The following GPATCH2 variants were observed in gnomAD, a reference collection of about 807,000 sequenced individuals.
GPATCH2 encodes the protein G-patch domain containing 2.
In GPATCH2, 51 loss-of-function variants were observed where a neutral mutation model predicts 58.0. The observed-to-expected ratio is 0.88, with a 90% confidence interval of 0.70 to 1.11. The LOEUF is 1.11. Among genes scored for constraint, GPATCH2 ranks in the 50% most tolerant of loss-of-function variants. The pLI, the probability that GPATCH2 is intolerant of heterozygous loss-of-function variation, is 0.00. For missense variants in GPATCH2, 625 were observed against 652.2 expected, an observed-to-expected ratio of 0.96 and a Z score of 0.45; for synonymous variants, 222 against 218.5, an observed-to-expected ratio of 1.02 and a Z score of -0.14.
intron 5 of GPATCH2, among the ~76,000 whole-genome samples, chr1:217,573,298 T>C (rs147636184): frequency 8.9e-4 from 135 of 152,248 alleles, no homozygotes; most frequent in African/African-American, 3.1e-3. Flanking sequence ...TCTTTGTTGT[T>C]GTAAAATGAG....
chr1:217,501,876 T>G (rs1205845470), intron 6 of GPATCH2, among the ~76,000 whole-genome samples: 2 of 152,130 alleles, frequency 1.3e-5, no homozygotes, highest in Admixed American at 6.6e-5. Context: ...ATATGTGGTT[T>G]GCAAATATTT....
rs77620725 is a variant in GPATCH2, at chr1:217,557,321, T to C, written c.1099-42432A>G. On this transcript the variant is annotated intron_variant, in intron 5 of 9. Coordinates refer to ENST00000366935, the MANE Select transcript of GPATCH2 (RefSeq NM_018040.5). ...ATTCAGGTAGCTTGGGCAGGAATACTGCTTAAACCCAGGAGGTGGAGGTTG... is the reference window on the plus strand; with the variant it reads ...ATTCAGGTAGCTTGGGCAGGAATACCGCTTAAACCCAGGAGGTGGAGGTTG... Among the ~76,000 whole-genome samples the C allele has an allele frequency of 3.2e-3, 482 of 150,002 alleles. 10 individuals are homozygous for C. In the East Asian group the frequency reaches 0.044, roughly 14 times the overall value.
intron 5 of GPATCH2, among the ~76,000 whole-genome samples, chr1:217,535,630 C>T (rs1664423489): frequency 6.6e-6 from 1 of 152,292 alleles, no homozygotes; most frequent in African/African-American, 2.4e-5. Flanking sequence ...GGATTACAGG[C>T]GTGAGCCACT....
At position 217,427,511 on chromosome 1, in the gene GPATCH2, A is replaced by T. The variant is rs551104648; in HGVS notation, c.*3634T>A. The T allele has an allele frequency of 6.6e-6, 1 of 152,250 alleles. No homozygotes were observed. Among genetic ancestry groups the T allele is most frequent in the African/African-American group, 2.4e-5 (1 of 41,566 alleles). The allele number at this position is 152,250 out of a possible 1,614,324, so 9.4% of individuals were successfully genotyped here. ...AGGGAAACATTTAAAGCACAAAGAC[A>T]ATGACTACTTATAAATAATGTTCTT... On this transcript the variant is annotated 3_prime_UTR_variant, in exon 10 of 10. Transcript: ENST00000366935.
chr1:217,572,482 C>T (rs903375407), intron 5 of GPATCH2, among the ~76,000 whole-genome samples: 1 of 152,154 alleles, frequency 6.6e-6, no homozygotes, highest in Non-Finnish European at 1.5e-5. Context: ...TTTCAGGCTT[C>T]GTGGGCACCC....
rs569337528 is a variant in GPATCH2 at position 217,527,493 on chromosome 1, T to A, written c.1099-12604A>T. On this transcript the variant is annotated intron_variant, in intron 5 of 9. Transcript: ENST00000366935. ...AATAACATCCATTTTTTTTTTTTTT[T>A]TGACTAGGAGTTAAAGACCAAAAGA... Among the ~76,000 whole-genome samples the A allele has an allele frequency of 3.9e-3, 598 of 151,924 alleles. 1 individual carries two copies. The highest frequency in any genetic ancestry group is 6.8e-3 in the Non-Finnish European group (462 of 67,940).
In GPATCH2 at chr1:217,431,302, T is replaced by C. The variant is rs756842146; in HGVS notation, c.1430A>G (p.Asn477Ser). 5.0e-6 allele frequency: 8 copies of C among 1,609,466 alleles called. No individual in the cohort carries two copies. The Admixed American group carries it at 5.0e-5, about 10-fold the overall frequency. ...ENNIGNRMLQ[N>S]MGWTPGSGLG... Reference sequence around the variant, plus strand: ...GCCTGACCCAGGCGTCCAGCCCATATTCTGAAGCATTCGGTTTCCAATATT... The same window carrying C: ...GCCTGACCCAGGCGTCCAGCCCATACTCTGAAGCATTCGGTTTCCAATATT... Residue 477 changes from asparagine (N) to serine (S), a missense_variant, in exon 10 of 10, where the codon AAT becomes AGT. Transcript: ENST00000366935.
In GPATCH2 at chr1:217,578,800, G is replaced by A. The variant is rs140840167; in HGVS notation, c.1098+31521C>T. ...GATATATTGATGCCAGTCTAAAATAGCTAAGTAAAATCATAATCCAATGAG... is the reference window on the plus strand; with the variant it reads ...GATATATTGATGCCAGTCTAAAATAACTAAGTAAAATCATAATCCAATGAG... On this transcript the variant is annotated intron_variant, in intron 5 of 9. Transcript: ENST00000366935. Among the ~76,000 whole-genome samples the A allele has an allele frequency of 3.1e-3, 478 of 152,260 alleles. 4 individuals carry two copies. Among genetic ancestry groups the A allele is most frequent in the Middle Eastern group, 0.017 (5 of 294 alleles).
chr1:217,445,758 G>C (rs112862499), intron 9 of GPATCH2, among the ~76,000 whole-genome samples: 68 of 152,258 alleles, frequency 4.5e-4, no homozygotes, highest in Non-Finnish European at 7.1e-4. Flanking sequence ...TGGTGTTCCT[G>C]TCACAATTAA....
intron 9 of GPATCH2, among the ~76,000 whole-genome samples, chr1:217,445,600 A>G (rs1040962216): frequency 6.6e-6 from 1 of 152,104 alleles, no homozygotes; most frequent in Admixed American, 6.5e-5. Flanking sequence ...ACATCCACTA[A>G]GTTTCATTAT....
chr1:217,625,007 G>A (rs949633340), intron 1 of GPATCH2, among the ~76,000 whole-genome samples: 1 of 152,162 alleles, frequency 6.6e-6, no homozygotes, highest in African/African-American at 2.4e-5. Flanking sequence ...AATGATTTGG[G>A]CAGATGAGTA....
intron 5 of GPATCH2, among the ~76,000 whole-genome samples, chr1:217,577,885 T>C (rs962973142): frequency 3.9e-4 from 60 of 151,972 alleles, no homozygotes; most frequent in Non-Finnish European, 7.7e-4. Flanking sequence ...GTAGCTGGGA[T>C]TGCAGGAATG....
At chr1:217,584,108 T>A (rs1317765411) in intron 5 of GPATCH2, among the ~76,000 whole-genome samples, 1 of 151,720 alleles carries the variant, frequency 6.6e-6, no homozygotes, top group East Asian at 1.9e-4. Context: ...TCTAAATAAA[T>A]GCTATACATT....
At chr1:217,454,314 G>C (rs1281896498) in intron 8 of GPATCH2, among the ~76,000 whole-genome samples, 1 of 152,084 alleles carries the variant, frequency 6.6e-6, no homozygotes, top group Non-Finnish European at 1.5e-5. Flanking sequence ...TTCTGGCCTG[G>C]TGCGGTGGCT....
Position 217,619,864 on chromosome 1 carries a change from T to C in GPATCH2, c.692A>G (p.Glu231Gly), listed in dbSNP as rs762813564. 1 of 1,613,980 alleles carries C rather than the reference T, an allele frequency of 6.2e-7. No individual in the cohort carries two copies. The highest frequency in any genetic ancestry group is 8.5e-7 in the Non-Finnish European group (1 of 1,179,908). ...ATTGGTCTGGTTCGTTTCCTCACTT[T>C]CTAAAACTACTCCTTCATCTTGGAT... is the stretch of plus-strand genomic sequence containing the variant. ...PKIQDEGVVL[E>G]SEETNQTNKD... Residue 231 changes from glutamate to glycine, a missense_variant, in exon 2 of 10, where the codon GAA becomes GGA. Coordinates refer to ENST00000366935, the MANE Select transcript of GPATCH2 (RefSeq NM_018040.5).
chr1:217,590,564 G>A (rs1667544853), intron 5 of GPATCH2, among the ~76,000 whole-genome samples: 1 of 152,172 alleles, frequency 6.6e-6, no homozygotes, highest in African/African-American at 2.4e-5. Flanking sequence ...CACAAGGGAG[G>A]AGTATTTGAC....
chr1:217,440,291 G>A (rs1388988142), intron 9 of GPATCH2, among the ~76,000 whole-genome samples: 1 of 152,078 alleles, frequency 6.6e-6, no homozygotes, highest in Non-Finnish European at 1.5e-5. Context: ...ACACAGAAAA[G>A]CCTTTGATAA....
intron 5 of GPATCH2, among the ~76,000 whole-genome samples, chr1:217,522,380 T>C (rs546933697): frequency 2.8e-4 from 43 of 152,278 alleles, no homozygotes; most frequent in African/African-American, 9.9e-4. Context: ...TTTTTTTAAG[T>C]AAAGAACTAA....
intron 6 of GPATCH2, among the ~76,000 whole-genome samples, chr1:217,502,001 C>T (rs917724384): frequency 6.6e-6 from 1 of 151,846 alleles, no homozygotes; most frequent in African/African-American, 2.4e-5. Flanking sequence ...GCACGTTTCT[C>T]AAAAATCCAT....
Sources: gnomAD v4.1 joint callset for allele counts (sites outside exome capture counted in the v4.1 genomes callset) on GRCh38, gnomAD v4.1.1 for gene constraint, MANE v1.5 for transcripts, NCBI Gene and HGNC (gene_info 2026-07-23, HGNC 2026-07-21) for gene names.